SFMBT1: variants seen among roughly 807,000 people sequenced by gnomAD.
The protein encoded by SFMBT1 is scm-like with four MBT domains protein 1.
SFMBT1 carries 32 observed loss-of-function variants against 108.7 expected under a neutral mutation model. That is an observed-to-expected ratio of 0.29 (90% CI 0.22 to 0.40). The LOEUF (loss-of-function observed/expected upper bound fraction) is 0.40, where lower values mean the gene tolerates loss of function less well. Among genes scored for constraint, SFMBT1 ranks in the 10% least tolerant of loss-of-function variants. SFMBT1 has a pLI of 1.00. For synonymous variants in SFMBT1, 348 were observed against 369.5 expected (o/e 0.94, Z 0.67); for missense variants, 816 against 1,059.6 (o/e 0.77, Z 3.19).
At chr3:52,960,556 T>C (rs1305516572) in intron 2 of SFMBT1, among the ~76,000 whole-genome samples, 1 of 152,192 alleles carries the variant, frequency 6.6e-6, no homozygotes, top group Non-Finnish European at 1.5e-5. Flanking sequence ...GAATGTAAAA[T>C]GGTACAGCCA....
chr3:53,016,384 T>C (rs1699127008), intron 1 of SFMBT1, among the ~76,000 whole-genome samples: 2 of 152,186 alleles, frequency 1.3e-5, no homozygotes. Context: ...TATCCAACTT[T>C]CAAAGCATAC....
At chr3:53,028,796 C>A (rs1476761234) in intron 1 of SFMBT1, among the ~76,000 whole-genome samples, 2 of 152,182 alleles carry the variant, frequency 1.3e-5, no homozygotes, top group East Asian at 3.9e-4. Flanking sequence ...GGAACCCTTG[C>A]AGGGAAGTGC....
intron 1 of SFMBT1, among the ~76,000 whole-genome samples, chr3:52,974,988 G>GTTTC (rs1704471253): frequency 1.3e-5 from 2 of 151,502 alleles, no homozygotes; most frequent in Admixed American, 6.6e-5. Context: ...CTGGGTGACA[G>GTTTC]GGCAAGACCC....
rs538768110 is a variant in SFMBT1 at position 52,954,815 on chromosome 3, ACT to A, written c.29-406_29-405del. 1.7e-4 allele frequency among the ~76,000 whole-genome samples: 26 copies of A among 151,900 alleles called. No individual in the cohort carries two copies. The South Asian group carries it at 3.7e-3, about 22-fold the overall frequency. On this transcript the variant is annotated intron_variant, in intron 2 of 20. Transcript: ENST00000394752. ...ATTTTCAACTTGATCCTTTCTTAGT[ACT>A]CTCAGAGTGAAAGATACTCCTAGTA...
Position 52,991,495 on chromosome 3 carries a change from C to T in SFMBT1, c.-130-22237G>A, listed in dbSNP as rs183208707. On this transcript the variant is annotated intron_variant, in intron 1 of 20. Coordinates refer to ENST00000394752, the MANE Select transcript of SFMBT1 (RefSeq NM_016329.4). ...GAGTAGCTGGGGCTACAGGGAGGCG[C>T]CACCATGCCTGGCTAATTTTTGTAT... Among the ~76,000 whole-genome samples, 19 of 151,936 alleles carry T rather than the reference C, an allele frequency of 1.3e-4. No homozygotes were observed. In the East Asian group the frequency reaches 3.1e-3, roughly 25 times the overall value.
chr3:52,965,127 T>C (rs958199941), intron 2 of SFMBT1, among the ~76,000 whole-genome samples: 6 of 151,964 alleles, frequency 3.9e-5, no homozygotes, highest in Non-Finnish European at 8.8e-5. Context: ...AATGCGACAT[T>C]TTAGGTTGAG....
rs1183925977 is a variant in SFMBT1, at chr3:52,916,162, A to G, written c.1468T>C (p.Ser490Pro). 6.2e-7 allele frequency: 1 copy of G among 1,613,996 alleles called. No individual in the cohort carries two copies. ...HEGLRNQELN[S>P]TESVMINGKY... The stretch of plus-strand genomic sequence containing the variant: ...CATGTGCTTATACCTGACTCTGTGG[A>G]GTTCAGCTCCTGATTCCTCAGGCCC... The change falls in exon 14 of 21, where the codon TCC becomes CCC. Residue 490 changes from serine (S) to proline (P), a missense_variant. This residue lies in a region of SFMBT1 where 495 missense variants were observed against 607.4 expected (regional missense o/e 0.81). Coordinates refer to ENST00000394752, the MANE Select transcript of SFMBT1 (RefSeq NM_016329.4).
At chr3:52,966,876 A>T (rs1050853572) in intron 2 of SFMBT1, among the ~76,000 whole-genome samples, 3 of 151,076 alleles carry the variant, frequency 2.0e-5, no homozygotes, top group African/African-American at 7.3e-5. Flanking sequence ...AATTATAAAT[A>T]AAAGAGGGTA....
rs36044342 is a variant in SFMBT1, at chr3:53,002,401, TAAAAAA to T, written c.-130-33149_-130-33144del. Among the ~76,000 whole-genome samples, 7 of 106,958 alleles carry T rather than the reference TAAAAAA, an allele frequency of 6.5e-5. 2 individuals carry two copies. The highest frequency in any genetic ancestry group is 1.2e-4 in the Non-Finnish European group (6 of 51,418). The allele number at this position is 106,958 out of a possible 152,430, so 70.2% of individuals were successfully genotyped here. ...GTGACAGAGCGAGACTCCGTCTCAA[TAAAAAA>T]AAAAAAAAAAAAAGAAATCACCCAG... On this transcript the variant is annotated intron_variant, in intron 1 of 20. Coordinates refer to ENST00000394752, the MANE Select transcript of SFMBT1 (RefSeq NM_016329.4).
intron 1 of SFMBT1, among the ~76,000 whole-genome samples, chr3:53,001,831 C>T (rs545442884): frequency 1.6e-4 from 23 of 147,014 alleles, no homozygotes; most frequent in African/African-American, 5.4e-4. Context: ...GAGGCTGAGG[C>T]TGGAGGATAT....
At chr3:52,925,194 C>A (rs1430323247) in intron 10 of SFMBT1, among the ~76,000 whole-genome samples, 1 of 152,186 alleles carries the variant, frequency 6.6e-6, no homozygotes, top group Non-Finnish European at 1.5e-5. Context: ...GCACTCCAGC[C>A]TGGGTGACAG....
intron 14 of SFMBT1, among the ~76,000 whole-genome samples, chr3:52,914,703 C>T (rs1702302048): frequency 6.6e-6 from 1 of 152,202 alleles, no homozygotes. Flanking sequence ...GATATCACTG[C>T]ACTGCACTCC....
At chr3:53,026,920 C>T (rs746764877) in intron 1 of SFMBT1, among the ~76,000 whole-genome samples, 1 of 152,094 alleles carries the variant, frequency 6.6e-6, no homozygotes, top group Non-Finnish European at 1.5e-5. Context: ...GTAGCTAAGA[C>T]TACACAATCG....
chr3:53,037,803 CAT>C (rs1699914788), intron 1 of SFMBT1, among the ~76,000 whole-genome samples: 1 of 152,068 alleles, frequency 6.6e-6, no homozygotes, highest in Non-Finnish European at 1.5e-5. Flanking sequence ...TGAGAGACCC[CAT>C]CTCTACAAAA....
At chr3:53,045,607 T>C (rs1179453730) in intron 1 of SFMBT1, among the ~76,000 whole-genome samples, 3 of 132,090 alleles carry the variant, frequency 2.3e-5, no homozygotes, top group African/African-American at 8.3e-5. Context: ...GGCGCCGCGC[T>C]CCCCCCGCCC....
chr3:53,027,268 C>T (rs1699525131), intron 1 of SFMBT1, among the ~76,000 whole-genome samples: 1 of 152,298 alleles, frequency 6.6e-6, no homozygotes, highest in East Asian at 1.9e-4. Flanking sequence ...CAAAACAAAA[C>T]TCTACAAATG....
chr3:52,960,616 GATCTATCT>G (rs35638922), intron 2 of SFMBT1, among the ~76,000 whole-genome samples: 1 of 150,594 alleles, frequency 6.6e-6, no homozygotes, highest in Admixed American at 6.6e-5. Flanking sequence ...ATTATCATAT[GATCTATCT>G]ATCTATCTAT....
chr3:53,040,968 A>ATTTT (rs57640588), intron 1 of SFMBT1, among the ~76,000 whole-genome samples: 570 of 46,380 alleles, frequency 0.012, 68 homozygotes, highest in Non-Finnish European at 0.017. Flanking sequence ...AGACACCTGA[A>ATTTT]TTTTTTTTTT....
At chr3:53,045,467 C>T (rs1368687364) in intron 1 of SFMBT1, among the ~76,000 whole-genome samples, 33 of 144,436 alleles carry the variant, frequency 2.3e-4, no homozygotes, top group Admixed American at 1.8e-3. Context: ...TTTCACGCCT[C>T]CCGCGGGCTG....
Sources: allele counts gnomAD v4.1 joint callset (sites outside exome capture counted in the v4.1 genomes callset), GRCh38; gene constraint gnomAD v4.1.1; regional missense constraint gnomAD v4.1.1; transcripts MANE v1.5; gene names NCBI Gene and HGNC (gene_info 2026-07-23, HGNC 2026-07-21).